ZIM2: variants seen among roughly 807,000 people sequenced by gnomAD.
ZIM2 encodes zinc finger imprinted 2, also known as zinc finger protein 656.
A neutral mutation model predicts 38.6 loss-of-function variants in ZIM2; 14 were observed. That is an observed-to-expected ratio of 0.36 (90% CI 0.24 to 0.57). ZIM2 has a LOEUF of 0.57. Among genes scored for constraint, ZIM2 ranks in the 20% least tolerant of loss-of-function variants. The pLI, the probability that ZIM2 is intolerant of heterozygous loss-of-function variation, is 0.81. For synonymous variants in ZIM2, 247 were observed against 245.8 expected, an observed-to-expected ratio of 1.00 and a Z score of -0.04; for missense variants, 680 against 695.1, an observed-to-expected ratio of 0.98 and a Z score of 0.24.
At chr19:56,810,480 G>C in intron 9 of ZIM2, 1 of 984,972 alleles carries the variant, frequency 1.0e-6, no homozygotes. Context: ...CTAGTGCACA[G>C]ATCAAGATGT....
chr19:56,824,117 A>G, intron 4 of ZIM2, 145 bp downstream of exon 4: 1 of 1,362,038 alleles, frequency 7.3e-7, no homozygotes. Context: ...ATGCAGCTCA[A>G]TATCCCACAG....
At chr19:56,782,214 C>A in intron 10 of ZIM2, 93 bp from the exon 11 acceptor site, 1 of 1,496,810 alleles carries the variant, frequency 6.7e-7, no homozygotes, top group Admixed American at 2.0e-5. Flanking sequence ...TGCTCTAATC[C>A]AGAGCCACAG....
chr19:56,824,214 G>T (rs529317108), intron 4 of ZIM2, 48 bp downstream of exon 4: 5 of 1,585,112 alleles, frequency 3.2e-6, no homozygotes, highest in Admixed American at 1.7e-5. Context: ...AGCCCCAGGG[G>T]ACACCTGAGG....
intron 9 of ZIM2, chr19:56,816,405 G>A: frequency 6.2e-6 from 10 of 1,613,890 alleles, no homozygotes; most frequent in Non-Finnish European, 8.5e-6. Context: ...TCTCCTTATT[G>A]TAAGTTTTCT....
At chr19:56,829,196 C>T (rs371046240) in intron 2 of ZIM2, among the ~76,000 whole-genome samples, 2 of 151,926 alleles carry the variant, frequency 1.3e-5, no homozygotes, top group African/African-American at 2.4e-5. Flanking sequence ...ACTAAAAATA[C>T]AAAAATTAGC....
chr19:56,808,547 G>T (rs2047879062), intron 9 of ZIM2, among the ~76,000 whole-genome samples: 1 of 152,092 alleles, frequency 6.6e-6, no homozygotes. Flanking sequence ...CTGCTGTCTG[G>T]CTGGTGGGGA....
chr19:56,783,676 A>AG (rs1474224430), intron 10 of ZIM2, among the ~76,000 whole-genome samples: 1 of 152,182 alleles, frequency 6.6e-6, no homozygotes, highest in Non-Finnish European at 1.5e-5. Context: ...ATACAAGAGG[A>AG]GGCAGGGAGG....
At chr19:56,815,840 G>A in intron 9 of ZIM2, 2 of 1,613,614 alleles carry the variant, frequency 1.2e-6, no homozygotes, top group Non-Finnish European at 1.7e-6. Context: ...TTATCATTAA[G>A]GTCTGAGATA....
intron 9 of ZIM2, among the ~76,000 whole-genome samples, chr19:56,794,447 T>A (rs1343295441): frequency 2.0e-5 from 3 of 152,242 alleles, no homozygotes; most frequent in African/African-American, 7.2e-5. Context: ...ATTTCTATAA[T>A]TTAACAGTTT....
intron 2 of ZIM2, among the ~76,000 whole-genome samples, chr19:56,835,318 A>T (rs1238968873): frequency 6.6e-6 from 1 of 152,214 alleles, no homozygotes; most frequent in Non-Finnish European, 1.5e-5. Flanking sequence ...GTCTTTTCAC[A>T]ATGAAACCAC....
intron 9 of ZIM2, among the ~76,000 whole-genome samples, chr19:56,803,645 T>C (rs1489394179): frequency 6.6e-6 from 1 of 152,194 alleles, no homozygotes; most frequent in African/African-American, 2.4e-5. Context: ...TTTAAGATTA[T>C]TGGAAGCTGG....
intron 9 of ZIM2, chr19:56,811,059 GATAA>G: frequency 5.1e-6 from 5 of 976,638 alleles, no homozygotes; most frequent in Non-Finnish European, 6.1e-6. Flanking sequence ...GAATGAACAA[GATAA>G]GAGGAGAGTA....
In ZIM2 at chr19:56,775,179, A is replaced by C; in HGVS notation, c.1186T>G (p.Phe396Val). 1 of 1,614,140 alleles carries C rather than the reference A, an allele frequency of 6.2e-7. No individual in the cohort carries two copies. The highest frequency in any genetic ancestry group is 2.2e-5 in the East Asian group (1 of 44,874). Reference sequence around the variant, plus strand: ...CTGTTGAGGTGTGGCATGAGATAGAAGGCTTCAGCACACTGTTTACATTCA... The same window carrying C: ...CTGTTGAGGTGTGGCATGAGATAGACGGCTTCAGCACACTGTTTACATTCA... ...PYECKQCAEA[F>V]YLMPHLNRHQ... The change falls in exon 13 of 13, where the codon TTC (phenylalanine) becomes GTC (valine). Residue 396 changes from phenylalanine (F) to valine (V), a missense_variant. Physicochemically the swap from Phe to Val is conservative, Grantham distance 50. Coordinates refer to ENST00000629319, the MANE Select transcript of ZIM2 (RefSeq NM_001387356.1).
At position 56,816,241 on chromosome 19, in the gene ZIM2, C is replaced by T. The variant is rs532173382; in HGVS notation, c.490+1505G>A. 1.7e-5 allele frequency: 27 copies of T among 1,614,092 alleles called. No homozygotes were observed. In the East Asian group the frequency reaches 5.8e-4, roughly 35 times the overall value. ...TTCAAGAGGTCTTGTTATAGTATGA[C>T]TCTTCTGAGATTCAGTGAATGGCCC... On this transcript the variant is annotated intron_variant, in intron 9 of 12. Coordinates refer to ENST00000629319, the MANE Select transcript of ZIM2 (RefSeq NM_001387356.1).
intron 9 of ZIM2, among the ~76,000 whole-genome samples, chr19:56,801,400 T>G (rs2047520102): frequency 6.6e-6 from 1 of 152,158 alleles, no homozygotes; most frequent in Non-Finnish European, 1.5e-5. Context: ...GCCCAGCCAC[T>G]ACCTGGAGCA....
intron 9 of ZIM2, chr19:56,811,962 C>T: frequency 3.0e-6 from 3 of 985,394 alleles, no homozygotes; most frequent in Non-Finnish European, 3.6e-6. Flanking sequence ...CTCAGCTCTA[C>T]AATCTTCCTA....
intron 9 of ZIM2, among the ~76,000 whole-genome samples, chr19:56,805,462 T>G (rs753952362): frequency 3.5e-4 from 53 of 152,182 alleles, no homozygotes; most frequent in Non-Finnish European, 6.0e-4. Context: ...TATTCCCCAA[T>G]CCTTCCTTAC....
intron 10 of ZIM2, among the ~76,000 whole-genome samples, chr19:56,788,786 A>G (rs905264720): frequency 2.0e-5 from 3 of 152,090 alleles, no homozygotes; most frequent in African/African-American, 7.2e-5. Flanking sequence ...AGGTACACCA[A>G]TCAAACGTAG....
intron 6 of ZIM2, 23 bp from the exon 7 acceptor site, chr19:56,821,777 C>G (rs188175623): frequency 1.1e-4 from 180 of 1,612,918 alleles, no homozygotes; most frequent in East Asian, 4.5e-5. Flanking sequence ...AAGGCATCAA[C>G]AAGAAGCAGG....
Sources: allele counts gnomAD v4.1 joint callset (sites outside exome capture counted in the v4.1 genomes callset), GRCh38; gene constraint gnomAD v4.1.1; transcripts MANE v1.5; gene names NCBI Gene and HGNC (gene_info 2026-07-23, HGNC 2026-07-21).